Variants in STAC observed in about 807,000 individuals in gnomAD.
STAC encodes SH3 and cysteine rich domain, also known as SH3 and cysteine-rich domain-containing protein.
STAC carries 43 observed loss-of-function variants against 48.8 expected under a neutral mutation model. That is an observed-to-expected ratio of 0.88 (90% confidence interval 0.69 to 1.14). The LOEUF (loss-of-function observed/expected upper bound fraction) is 1.14. Ranked by LOEUF, STAC falls within the 50% of genes most tolerant of loss-of-function variation. The probability of loss-of-function intolerance (pLI) is 0.00; values close to 1 mark genes in which losing one functional copy is unlikely to be tolerated. For missense variants in STAC, 497 were observed against 504.0 expected (o/e 0.99, Z 0.13); for synonymous variants, 193 against 179.5 (o/e 1.07, Z -0.60).
At chr3:36,385,484 T>C (rs537167571) in intron 1 of STAC, among the ~76,000 whole-genome samples, 2 of 152,272 alleles carry the variant, frequency 1.3e-5, no homozygotes, top group African/African-American at 4.8e-5. Flanking sequence ...AGTTGTATTA[T>C]AGTCTTTTTT....
At position 36,504,437 on chromosome 3, in the gene STAC, G is replaced by A; in HGVS notation, c.811G>A (p.Ala271Thr). The part of the protein sequence containing the change: ...ENGTDDFRDP[A>T]KNINHQGSLS... Reference sequence around the variant, plus strand: ...TGGCACTGATGATTTCAGAGATCCAGCGAAGAACATAAACCACCAGGTATT... The same window carrying A: ...TGGCACTGATGATTTCAGAGATCCAACGAAGAACATAAACCACCAGGTATT... The change falls in exon 7 of 11, where the codon GCG (alanine) becomes ACG (threonine). Residue 271 changes from alanine to threonine, a missense_variant. Coordinates refer to ENST00000273183, the MANE Select transcript of STAC (RefSeq NM_003149.3). 1 of 1,613,580 alleles carries A rather than the reference G, an allele frequency of 6.2e-7. No individual in the cohort carries two copies. The highest frequency in any genetic ancestry group is 8.5e-7 in the Non-Finnish European group (1 of 1,179,692).
intron 1 of STAC, among the ~76,000 whole-genome samples, chr3:36,438,262 C>G (rs1186648287): frequency 6.6e-6 from 1 of 152,150 alleles, no homozygotes; most frequent in African/African-American, 2.4e-5. Flanking sequence ...GAATGATACC[C>G]TATCCACAAG....
At chr3:36,505,282 G>A (rs927637690) in intron 7 of STAC, among the ~76,000 whole-genome samples, 5 of 151,784 alleles carry the variant, frequency 3.3e-5, no homozygotes, top group Non-Finnish European at 7.4e-5. Flanking sequence ...CAACATAAAT[G>A]AACTAATTGC....
At chr3:36,491,070 G>T (rs115751093) in intron 5 of STAC, among the ~76,000 whole-genome samples, 2,131 of 152,304 alleles carry the variant, frequency 0.014, 22 homozygotes, top group Non-Finnish European at 0.021. Flanking sequence ...CTCAAAGGAA[G>T]AAAATAGAAA....
At chr3:36,389,225 A>G (rs1699687106) in intron 1 of STAC, among the ~76,000 whole-genome samples, 1 of 152,140 alleles carries the variant, frequency 6.6e-6, no homozygotes, top group African/African-American at 2.4e-5. Context: ...AATGTCATAA[A>G]CTGGGTTTAT....
intron 7 of STAC, 124 bp from the exon 8 acceptor site, chr3:36,505,622 T>C: frequency 4.8e-6 from 3 of 628,282 alleles, no homozygotes; most frequent in Non-Finnish European, 8.2e-6. Flanking sequence ...AATGGTTAGA[T>C]AACACTTACG....
intron 3 of STAC, 121 bp from the exon 4 acceptor site, chr3:36,484,856 T>C: frequency 1.6e-6 from 1 of 626,158 alleles, no homozygotes; most frequent in East Asian, 3.3e-5. Context: ...TAAGTCGGCA[T>C]GTTAATGGGA....
chr3:36,453,278 G>T (rs376309212), intron 2 of STAC, among the ~76,000 whole-genome samples: 1 of 152,252 alleles, frequency 6.6e-6, no homozygotes, highest in Admixed American at 6.5e-5. Context: ...CCGCTGCACT[G>T]TGGGGGCCCC....
chr3:36,434,115 G>A (rs1323468355), intron 1 of STAC, among the ~76,000 whole-genome samples: 2 of 152,180 alleles, frequency 1.3e-5, no homozygotes, highest in Admixed American at 6.5e-5. Flanking sequence ...AATGTTAGAG[G>A]TGAATGTGGA....
chr3:36,477,647 G>A (rs922140960), intron 2 of STAC, among the ~76,000 whole-genome samples: 7 of 152,084 alleles, frequency 4.6e-5, no homozygotes, highest in Non-Finnish European at 7.4e-5. Context: ...ATGATACCAC[G>A]CTCATAAAAG....
chr3:36,421,046 A>G (rs1400029961), intron 1 of STAC, among the ~76,000 whole-genome samples: 2 of 152,230 alleles, frequency 1.3e-5, no homozygotes, highest in Non-Finnish European at 2.9e-5. Context: ...GGAAATTTGA[A>G]GAGATCTAAG....
intron 1 of STAC, among the ~76,000 whole-genome samples, chr3:36,396,402 T>A (rs1402809594): frequency 6.6e-6 from 1 of 152,192 alleles, no homozygotes; most frequent in Non-Finnish European, 1.5e-5. Context: ...ATCAGATTTA[T>A]GGTTGAAAAA....
chr3:36,518,536 A>T (rs142023837), intron 8 of STAC, among the ~76,000 whole-genome samples: 181 of 152,334 alleles, frequency 1.2e-3, no homozygotes, highest in Admixed American at 3.2e-3. Flanking sequence ...GTATGTCAGA[A>T]CACCTAAATT....
intron 1 of STAC, among the ~76,000 whole-genome samples, chr3:36,407,014 G>A (rs73059911): frequency 0.023 from 3,563 of 152,256 alleles, 61 homozygotes; most frequent in East Asian, 0.026. Context: ...CTAAATTCAC[G>A]TTCCTCATCA....
intron 1 of STAC, among the ~76,000 whole-genome samples, chr3:36,404,984 C>A (rs1376529010): frequency 1.3e-5 from 2 of 152,176 alleles, no homozygotes; most frequent in South Asian, 4.2e-4. Flanking sequence ...AATGGCAAAA[C>A]CACATTACTT....
intron 10 of STAC, among the ~76,000 whole-genome samples, chr3:36,541,158 G>A (rs1254333439): frequency 1.3e-5 from 2 of 151,812 alleles, no homozygotes; most frequent in Admixed American, 1.3e-4. Flanking sequence ...TCTTCCTAAG[G>A]CATCTCTTTT....
intron 6 of STAC, among the ~76,000 whole-genome samples, chr3:36,501,739 T>A (rs1698288432): frequency 6.6e-6 from 1 of 152,126 alleles, no homozygotes; most frequent in Non-Finnish European, 1.5e-5. Flanking sequence ...AATTTTCAGA[T>A]TACATAAGCT....
chr3:36,433,647 T>C (rs941594897), intron 1 of STAC, among the ~76,000 whole-genome samples: 3 of 152,198 alleles, frequency 2.0e-5, no homozygotes, highest in Non-Finnish European at 4.4e-5. Flanking sequence ...TTAGACTTCC[T>C]AAAAGTGGAG....
chr3:36,526,115 G>A (rs1698927941), intron 8 of STAC, among the ~76,000 whole-genome samples: 1 of 152,132 alleles, frequency 6.6e-6, no homozygotes, highest in East Asian at 1.9e-4. Context: ...AAGATGACCA[G>A]AGACCAAAGA....
Sources: allele counts gnomAD v4.1 joint callset (sites outside exome capture counted in the v4.1 genomes callset), GRCh38; gene constraint gnomAD v4.1.1; transcripts MANE v1.5; gene names NCBI Gene and HGNC (gene_info 2026-07-23, HGNC 2026-07-21).